The following CNTN4 variants were observed in gnomAD, a reference collection of about 807,000 sequenced individuals.
CNTN4 encodes the protein contactin-4.
In CNTN4, 77 loss-of-function variants were observed where a neutral mutation model predicts 122.5. The observed-to-expected ratio is 0.63, with a 90% CI of 0.52 to 0.76. CNTN4 has a LOEUF of 0.76. CNTN4 is among the 30% of genes least tolerant of loss of function. CNTN4 has a pLI of 0.00. For missense variants in CNTN4, 1,256 were observed against 1,259.1 expected, an observed-to-expected ratio of 1.00 and a Z score of 0.04; for synonymous variants, 512 against 447.0, an observed-to-expected ratio of 1.15 and a Z score of -1.83.
chr3:3,024,048 C>G (rs982538424), intron 14 of CNTN4, among the ~76,000 whole-genome samples: 1 of 152,112 alleles, frequency 6.6e-6, no homozygotes, highest in Non-Finnish European at 1.5e-5. Flanking sequence ...CTAAGGGACT[C>G]AGTTATTATG....
At chr3:2,952,399 A>C (rs1214059339) in intron 13 of CNTN4, among the ~76,000 whole-genome samples, 1 of 152,208 alleles carries the variant, frequency 6.6e-6, no homozygotes, top group Non-Finnish European at 1.5e-5. Context: ...TATTGTACTT[A>C]AAATGGACTT....
chr3:2,940,171 CTTCT>C (rs2094600925), intron 13 of CNTN4, among the ~76,000 whole-genome samples: 1 of 152,182 alleles, frequency 6.6e-6, no homozygotes, highest in Non-Finnish European at 1.5e-5. Flanking sequence ...TGGACAGACT[CTTCT>C]GATTTATGCA....
intron 2 of CNTN4, among the ~76,000 whole-genome samples, chr3:2,316,203 G>A (rs1260670065): frequency 1.3e-5 from 2 of 151,988 alleles, no homozygotes; most frequent in Admixed American, 6.6e-5. Flanking sequence ...AGAATATTTG[G>A]TGGATTGTTA....
intron 6 of CNTN4, among the ~76,000 whole-genome samples, chr3:2,751,969 C>T (rs1251220242): frequency 6.6e-6 from 1 of 152,066 alleles, no homozygotes; most frequent in Non-Finnish European, 1.5e-5. Context: ...AGAACTCCAG[C>T]TTCTCAATAC....
chr3:2,739,605 G>GAGTA (rs2149512354), intron 5 of CNTN4, among the ~76,000 whole-genome samples: 1 of 141,106 alleles, frequency 7.1e-6, no homozygotes, highest in Admixed American at 7.6e-5. Context: ...GGAAGTAACA[G>GAGTA]AGGAAGCAAA....
chr3:2,857,684 C>T (rs2093630985), intron 7 of CNTN4, among the ~76,000 whole-genome samples: 1 of 152,104 alleles, frequency 6.6e-6, no homozygotes, highest in Admixed American at 6.6e-5. Context: ...CGCAAGCGAT[C>T]CTCCCACCTC....
chr3:2,191,705 T>C (rs2320379), intron 2 of CNTN4, among the ~76,000 whole-genome samples: 98,435 of 141,272 alleles, frequency 0.7, 33,096 homozygotes, highest in South Asian at 0.81. Flanking sequence ...TATATATATA[T>C]ATATACACAC....
chr3:2,920,429 T>C (rs987330637), intron 12 of CNTN4, among the ~76,000 whole-genome samples: 1 of 151,690 alleles, frequency 6.6e-6, no homozygotes, highest in African/African-American at 2.4e-5. Flanking sequence ...ACATACACAT[T>C]ATACCAAGTA....
intron 7 of CNTN4, among the ~76,000 whole-genome samples, chr3:2,851,170 C>T (rs974952749): frequency 3.3e-5 from 5 of 152,162 alleles, no homozygotes; most frequent in African/African-American, 9.7e-5. Flanking sequence ...TTTTCTATGG[C>T]GAATATACAG....
At chr3:2,532,479 C>T (rs2077633496) in intron 3 of CNTN4, among the ~76,000 whole-genome samples, 1 of 151,820 alleles carries the variant, frequency 6.6e-6, no homozygotes, top group African/African-American at 2.4e-5. Context: ...GTACTAGGAA[C>T]AAAAAATAAA....
intron 3 of CNTN4, among the ~76,000 whole-genome samples, chr3:2,390,221 T>A (rs1408063654): frequency 6.7e-6 from 1 of 148,480 alleles, no homozygotes; most frequent in Non-Finnish European, 1.5e-5. Context: ...AAAGAGTGTG[T>A]GTGTGTGTGT....
At chr3:2,260,396 C>T (rs1033654161) in intron 2 of CNTN4, among the ~76,000 whole-genome samples, 13 of 151,916 alleles carry the variant, frequency 8.6e-5, no homozygotes, top group East Asian at 3.9e-4. Flanking sequence ...TGAGAACCTC[C>T]GGATTAAATT....
chr3:2,163,717 A>G (rs1253084855), intron 2 of CNTN4, among the ~76,000 whole-genome samples: 1 of 152,214 alleles, frequency 6.6e-6, no homozygotes, highest in Non-Finnish European at 1.5e-5. Flanking sequence ...ATGGAGATAC[A>G]CAAACAGCCA....
intron 6 of CNTN4, among the ~76,000 whole-genome samples, chr3:2,775,260 T>C (rs775390506): frequency 1.2e-4 from 18 of 152,196 alleles, no homozygotes; most frequent in Admixed American, 3.9e-4. Flanking sequence ...AGTTCATTCT[T>C]ATGAATCTGT....
At position 2,814,876 on chromosome 3, in the gene CNTN4, G is replaced by C. The variant is rs79880077; in HGVS notation, c.359-4610G>C. ...AATGGAATTCAATGAGATCAAATAA[G>C]AAAAGTACTTGGCCACATGGTATGA... On this transcript the variant is annotated intron_variant, in intron 6 of 24. Transcript: ENST00000418658. Among the ~76,000 whole-genome samples, 18 of 152,298 alleles carry C rather than the reference G, an allele frequency of 1.2e-4. No individual in the cohort carries two copies. The East Asian group carries it at 3.5e-3, about 29-fold the overall frequency.
Position 2,368,088 on chromosome 3 carries a change from A to C in CNTN4, c.-89+28855A>C, listed in dbSNP as rs187622394. 2.9e-5 allele frequency among the ~76,000 whole-genome samples: 4 copies of C among 138,464 alleles called. 1 individual carries two copies. Among genetic ancestry groups the C allele is most frequent in the African/African-American group, 1.1e-4 (4 of 36,114 alleles). 90.8% of individuals were successfully genotyped at this position (138,464 alleles called of 152,430 possible). Reference sequence around the variant, plus strand: ...CGCTCTGTCGCCCAGGCTGGAGTGCAGTGGCGCGATCTCGGCTCACTGCAA... The same window carrying C: ...CGCTCTGTCGCCCAGGCTGGAGTGCCGTGGCGCGATCTCGGCTCACTGCAA... On this transcript the variant is annotated intron_variant, in intron 3 of 24. Coordinates refer to ENST00000418658, the MANE Select transcript of CNTN4 (RefSeq NM_175607.3).
chr3:2,730,723 A>G (rs983398088), intron 4 of CNTN4, among the ~76,000 whole-genome samples: 3 of 151,946 alleles, frequency 2.0e-5, no homozygotes, highest in Admixed American at 2.0e-4. Flanking sequence ...TGTGGGCTTG[A>G]TATTTGGGCA....
intron 17 of CNTN4, among the ~76,000 whole-genome samples, chr3:3,036,785 A>AAAAAAAAAAAG (rs1699647436): frequency 2.3e-5 from 1 of 44,338 alleles, no homozygotes; most frequent in African/African-American, 9.1e-5. Flanking sequence ...TCAAAAAAAG[A>AAAAAAAAAAAG]AAAAAAAAAA....
chr3:2,791,071 T>A (rs1002900800), intron 6 of CNTN4, among the ~76,000 whole-genome samples: 1 of 152,204 alleles, frequency 6.6e-6, no homozygotes. Context: ...AGACCAAGAT[T>A]TGAGTCGGCA....
Sources: gnomAD v4.1 joint callset for allele counts (sites outside exome capture counted in the v4.1 genomes callset) on GRCh38, gnomAD v4.1.1 for gene constraint, MANE v1.5 for transcripts, NCBI Gene and HGNC (gene_info 2026-07-23, HGNC 2026-07-21) for gene names.